Variants in ZCCHC7 observed in about 807,000 individuals in gnomAD.
ZCCHC7 encodes the protein zinc finger CCHC-type containing 7, also known as zinc finger CCHC domain-containing protein 7.
A neutral mutation model predicts 52.0 loss-of-function variants in ZCCHC7; 35 were observed. That is an observed-to-expected ratio of 0.67 (90% CI 0.51 to 0.89). The LOEUF is 0.89. Ranked by LOEUF, ZCCHC7 falls within the 40% of genes least tolerant of loss-of-function variation. The pLI is 0.00. For missense variants in ZCCHC7, 574 were observed against 649.1 expected (o/e 0.88, Z 1.26); for synonymous variants, 217 against 221.5 (o/e 0.98, Z 0.18).
At chr9:37,305,511 C>G in intron 4 of ZCCHC7, 33 bp from the exon 5 acceptor site, 1 of 1,609,928 alleles carries the variant, frequency 6.2e-7, no homozygotes, top group Non-Finnish European at 8.5e-7. Context: ...CCTTTTGAGA[C>G]TGAAGAGATT....
At chr9:37,336,644 G>A (rs1298106762) in intron 6 of ZCCHC7, among the ~76,000 whole-genome samples, 1 of 152,112 alleles carries the variant, frequency 6.6e-6, no homozygotes, top group Non-Finnish European at 1.5e-5. Flanking sequence ...TGGGGTTCAT[G>A]TACAATCACA....
chr9:37,279,484 A>T (rs2133558684), intron 2 of ZCCHC7, among the ~76,000 whole-genome samples: 1 of 152,200 alleles, frequency 6.6e-6, no homozygotes, highest in African/African-American at 2.4e-5. Context: ...AATCTTAAAA[A>T]TATTAAATTA....
intron 2 of ZCCHC7, among the ~76,000 whole-genome samples, chr9:37,195,465 T>C (rs1465364776): frequency 6.6e-6 from 1 of 152,166 alleles, no homozygotes; most frequent in Admixed American, 6.5e-5. Flanking sequence ...GCAATGTTTG[T>C]GATGTGGTCA....
intron 2 of ZCCHC7, among the ~76,000 whole-genome samples, chr9:37,260,195 C>T (rs1826798458): frequency 6.6e-6 from 1 of 152,172 alleles, no homozygotes; most frequent in Non-Finnish European, 1.5e-5. Flanking sequence ...AGGATAGGTT[C>T]CAGGAAGAGG....
intron 2 of ZCCHC7, among the ~76,000 whole-genome samples, chr9:37,142,080 G>C (rs568026312): frequency 2.6e-5 from 4 of 151,540 alleles, no homozygotes; most frequent in African/African-American, 9.7e-5. Flanking sequence ...TTGTGAGGCT[G>C]GTGTCATACA....
intron 2 of ZCCHC7, among the ~76,000 whole-genome samples, chr9:37,250,003 G>A (rs1826249523): frequency 6.6e-6 from 1 of 150,786 alleles, no homozygotes; most frequent in Admixed American, 6.6e-5. Flanking sequence ...TTGAAGATAA[G>A]CAGTCAGATT....
At chr9:37,300,580 G>GT (rs1828989288) in intron 2 of ZCCHC7, among the ~76,000 whole-genome samples, 1 of 152,166 alleles carries the variant, frequency 6.6e-6, no homozygotes, top group Non-Finnish European at 1.5e-5. Flanking sequence ...TCTTAGAAAA[G>GT]TTTTTTATTT....
At chr9:37,150,272 A>G (rs1820445572) in intron 2 of ZCCHC7, among the ~76,000 whole-genome samples, 1 of 152,224 alleles carries the variant, frequency 6.6e-6, no homozygotes. Context: ...TTGAATCCGT[A>G]AGGTTTAATA....
intron 2 of ZCCHC7, among the ~76,000 whole-genome samples, chr9:37,138,245 G>GTTTCAGCT (rs898877779): frequency 1.0e-3 from 159 of 152,226 alleles, no homozygotes; most frequent in African/African-American, 3.7e-3. Flanking sequence ...AAAATGTTCA[G>GTTTCAGCT]TTTCAGCTTT....
chr9:37,180,769 TTTTC>T (rs1822310356), intron 2 of ZCCHC7, among the ~76,000 whole-genome samples: 1 of 152,108 alleles, frequency 6.6e-6, no homozygotes, highest in South Asian at 2.1e-4. Flanking sequence ...TTTGAGGAGA[TTTTC>T]TTTATCAAAA....
At chr9:37,199,670 TTCTC>T (rs35683721) in intron 2 of ZCCHC7, among the ~76,000 whole-genome samples, 7 of 148,960 alleles carry the variant, frequency 4.7e-5, no homozygotes, top group South Asian at 2.1e-4. Context: ...CTGTCTGTCT[TTCTC>T]TCTGTCTGTC....
At chr9:37,292,901 A>G (rs1414455786) in intron 2 of ZCCHC7, among the ~76,000 whole-genome samples, 1 of 152,206 alleles carries the variant, frequency 6.6e-6, no homozygotes, top group Non-Finnish European at 1.5e-5. Context: ...TCAGGTGATG[A>G]ACAACTGTAA....
rs73646342 is a variant in ZCCHC7, at chr9:37,254,816, A to G, written c.611-47372A>G. On this transcript the variant is annotated intron_variant, in intron 2 of 8. Coordinates refer to ENST00000336755, the MANE Select transcript of ZCCHC7 (RefSeq NM_032226.3). ...GAGCATAACATTTCCTTTGAGTGCC[A>G]TGTTAATGCTCAAAAAGTTTCTTTT... Among the ~76,000 whole-genome samples, 897 of 133,306 alleles carry G rather than the reference A, an allele frequency of 6.7e-3. 5 individuals carry two copies. Among genetic ancestry groups the G allele is most frequent in the African/African-American group, 0.023 (845 of 36,228 alleles). 87.5% of individuals were successfully genotyped at this position (133,306 alleles called of 152,430 possible).
chr9:37,258,136 A>ACCC (rs748442438), intron 2 of ZCCHC7, among the ~76,000 whole-genome samples: 1 of 151,972 alleles, frequency 6.6e-6, no homozygotes, highest in African/African-American at 2.4e-5. Flanking sequence ...ATCTCATCAT[A>ACCC]CCCCCCTTGA....
chr9:37,351,154 G>A (rs1821354066), intron 7 of ZCCHC7, among the ~76,000 whole-genome samples: 1 of 152,120 alleles, frequency 6.6e-6, no homozygotes, highest in African/African-American at 2.4e-5. Flanking sequence ...CAGCAACCGT[G>A]GGGGTGAGAC....
intron 2 of ZCCHC7, among the ~76,000 whole-genome samples, chr9:37,216,356 A>G (rs1824504171): frequency 6.6e-6 from 1 of 152,002 alleles, no homozygotes; most frequent in East Asian, 1.9e-4. Flanking sequence ...TTCCAATTTT[A>G]TTTGCTCTAA....
intron 2 of ZCCHC7, among the ~76,000 whole-genome samples, chr9:37,182,658 G>A (rs62535714): frequency 0.14 from 21,759 of 152,156 alleles, 1,789 homozygotes; most frequent in Non-Finnish European, 0.17. Flanking sequence ...GAGCCACCGC[G>A]CCTGGCCCAG....
intron 5 of ZCCHC7, among the ~76,000 whole-genome samples, chr9:37,322,632 G>A (rs1274616148): frequency 6.8e-6 from 1 of 147,548 alleles, no homozygotes; most frequent in Non-Finnish European, 1.5e-5. Context: ...AGTAGACTTC[G>A]GCTGAATGTA....
In ZCCHC7 at chr9:37,357,336, A is replaced by G; in HGVS notation, c.*68A>G. On this transcript the variant is annotated 3_prime_UTR_variant, in exon 9 of 9. Coordinates refer to ENST00000336755, the MANE Select transcript of ZCCHC7 (RefSeq NM_032226.3). ...GCCTTTGTGTCTATAACCTTCTGGC[A>G]CTGTGTTTATTATCTATGATTAAAT... The G allele has an allele frequency of 7.0e-7, 1 of 1,421,288 alleles. No individual in the cohort carries two copies. Among genetic ancestry groups the G allele is most frequent in the Non-Finnish European group, 9.4e-7 (1 of 1,059,324 alleles). The allele number at this position is 1,421,288 out of a possible 1,614,324, so 88.0% of individuals were successfully genotyped here. A position where few individuals can be genotyped will look rare whatever the true frequency, so the allele number is the denominator to read the frequency against.
Sources: gnomAD v4.1 joint callset for allele counts (sites outside exome capture counted in the v4.1 genomes callset) on GRCh38, gnomAD v4.1.1 for gene constraint, MANE v1.5 for transcripts, NCBI Gene and HGNC (gene_info 2026-07-23, HGNC 2026-07-21) for gene names.